ATAD2B: variants seen among roughly 807,000 people sequenced by gnomAD.
ATAD2B encodes ATPase family AAA domain containing 2B, also known as ATPase family AAA domain-containing protein 2B.
A neutral mutation model predicts 167.6 loss-of-function variants in ATAD2B; 40 were observed. The observed-to-expected ratio is 0.24, with a 90% CI of 0.19 to 0.31. ATAD2B has a LOEUF of 0.31. Ranked by LOEUF, ATAD2B falls within the 10% of genes least tolerant of loss-of-function variation. The probability of loss-of-function intolerance (pLI) is 1.00; values close to 1 mark genes in which losing one functional copy is unlikely to be tolerated. For synonymous variants in ATAD2B, 579 were observed against 596.5 expected (o/e 0.97, Z 0.43); for missense variants, 1,242 against 1,757.2 (o/e 0.71, Z 5.24).
intron 13 of ATAD2B, among the ~76,000 whole-genome samples, chr2:23,842,107 T>C (rs1691008843): frequency 6.6e-6 from 1 of 152,196 alleles, no homozygotes; most frequent in South Asian, 2.1e-4. Flanking sequence ...CCCCTTATAT[T>C]TCAGGTCATT....
chr2:23,738,857 C>A, the ATAD2B span, among the ~76,000 whole-genome samples: 3 of 152,098 alleles, frequency 2.0e-5, no homozygotes, highest in African/African-American at 4.8e-5. Flanking sequence ...GGAGGAAGAT[C>A]TACCAAGCAA....
intron 1 of ATAD2B, among the ~76,000 whole-genome samples, chr2:23,922,701 C>CAAAAAAAAAAAAAAAAAAAAAAAA (rs11386515): frequency 2.4e-5 from 3 of 126,482 alleles, no homozygotes; most frequent in African/African-American, 6.4e-5. Flanking sequence ...GACTCTGTCT[C>CAAAAAAAAAAAAAAAAAAAAAAAA]AAAAAAAAAA....
At chr2:23,719,426 A>C in the ATAD2B span, among the ~76,000 whole-genome samples, 3 of 152,140 alleles carry the variant, frequency 2.0e-5, no homozygotes, top group Non-Finnish European at 4.4e-5. Flanking sequence ...TCAGCTCCAA[A>C]ATGGCAGCGT....
chr2:23,751,374 G>A lies in ATAD2B; in HGVS notation c.*672C>T, dbSNP rs1423490343. Reference sequence around the variant, plus strand: ...ACTGGTTGTCTCTTAATGACATAGAGTATCAAAACTTATTTTCAAGGTTGT... The same window carrying A: ...ACTGGTTGTCTCTTAATGACATAGAATATCAAAACTTATTTTCAAGGTTGT... On this transcript the variant is annotated 3_prime_UTR_variant, in exon 28 of 28. Coordinates refer to ENST00000238789, the MANE Select transcript of ATAD2B (RefSeq NM_017552.4). The A allele has an allele frequency of 2.0e-5, 3 of 152,078 alleles. No homozygotes were observed. The highest frequency in any genetic ancestry group is 4.4e-5 in the Non-Finnish European group (3 of 68,002). 9.4% of individuals were successfully genotyped at this position (152,078 alleles called of 1,614,324 possible). A position where few individuals can be genotyped will look rare whatever the true frequency, so the allele number is the denominator to read the frequency against.
chr2:23,894,766 T>G (rs950303805), intron 2 of ATAD2B, among the ~76,000 whole-genome samples: 1 of 152,190 alleles, frequency 6.6e-6, no homozygotes, highest in Non-Finnish European at 1.5e-5. Context: ...CAGACCTGTT[T>G]CATCTCACAG....
chr2:23,788,464 T>G, intron 20 of ATAD2B, 48 bp downstream of exon 20: 12 of 1,586,126 alleles, frequency 7.6e-6, no homozygotes, highest in Non-Finnish European at 1.0e-5. Context: ...GAAAGGGTAT[T>G]TCTTAACTCC....
intron 10 of ATAD2B, among the ~76,000 whole-genome samples, chr2:23,867,117 T>TC (rs2150070109): frequency 6.6e-6 from 1 of 152,326 alleles, no homozygotes; most frequent in East Asian, 1.9e-4. Flanking sequence ...ACAAGGTGCT[T>TC]CCACTTGTAG....
the ATAD2B span, among the ~76,000 whole-genome samples, chr2:23,683,221 C>T: frequency 2.0e-5 from 3 of 152,228 alleles, no homozygotes; most frequent in Admixed American, 1.3e-4. Context: ...GGGCGATGGC[C>T]GGTGGGGCTG....
chr2:23,725,243 TAAAG>T, the ATAD2B span, among the ~76,000 whole-genome samples: 1 of 151,998 alleles, frequency 6.6e-6, no homozygotes, highest in African/African-American at 2.4e-5. Context: ...AAAGGCAAAA[TAAAG>T]AAATTCTCAA....
chr2:23,718,618 T>C, the ATAD2B span, among the ~76,000 whole-genome samples: 2 of 152,346 alleles, frequency 1.3e-5, no homozygotes, highest in South Asian at 4.1e-4. Flanking sequence ...ACTGTATTAG[T>C]GTCCTAGGAT....
intron 17 of ATAD2B, chr2:23,811,601 G>A (rs1313543423): frequency 6.6e-6 from 1 of 152,204 alleles, no homozygotes; most frequent in Non-Finnish European, 1.5e-5. Flanking sequence ...CTGTCCGGGG[G>A]TGGGAGGCCA....
At chr2:23,695,397 C>G in the ATAD2B span, among the ~76,000 whole-genome samples, 2 of 152,098 alleles carry the variant, frequency 1.3e-5, no homozygotes, top group Non-Finnish European at 2.9e-5. This position sits in a 1 kb window ranked among gnomAD's most constrained non-coding sequence, Gnocchi z 7.6. Context: ...CTGGCTGCAG[C>G]CTGCCAGCCT....
At position 23,798,349 on chromosome 2, in the gene ATAD2B, A is replaced by T. The variant is rs748230407; in HGVS notation, c.2455-26T>A. ...CTAATTAAGGAAAAAAACCAACATT[A>T]AACAACTCAAATTGATTATTCTAAA... On this transcript the variant is annotated intron_variant, in intron 18 of 27. Coordinates refer to ENST00000238789, the MANE Select transcript of ATAD2B (RefSeq NM_017552.4). The T allele has an allele frequency of 7.9e-6, 12 of 1,524,064 alleles. No individual in the cohort carries two copies. In the South Asian group the frequency reaches 1.1e-4, roughly 14 times the overall value. The allele number at this position is 1,524,064 out of a possible 1,614,324, so 94.4% of individuals were successfully genotyped here. A position where few individuals can be genotyped will look rare whatever the true frequency, so the allele number is the denominator to read the frequency against.
At chr2:23,731,714 A>T in the ATAD2B span, among the ~76,000 whole-genome samples, 1 of 152,230 alleles carries the variant, frequency 6.6e-6, no homozygotes, top group Non-Finnish European at 1.5e-5. Flanking sequence ...GGCAGGGTGC[A>T]GTGGTTCATG....
At chr2:23,879,864 G>A (rs1278190535) in intron 7 of ATAD2B, among the ~76,000 whole-genome samples, 1 of 151,940 alleles carries the variant, frequency 6.6e-6, no homozygotes, top group Admixed American at 6.6e-5. Flanking sequence ...AGACCAGCCT[G>A]GCCAGCATGG....
chr2:23,679,775 G>A, the ATAD2B span, among the ~76,000 whole-genome samples: 1 of 152,202 alleles, frequency 6.6e-6, no homozygotes, highest in Non-Finnish European at 1.5e-5. Flanking sequence ...GAGGAGGGCA[G>A]AGGGCAGAGG....
chr2:23,695,169 A>C, the ATAD2B span, among the ~76,000 whole-genome samples: 2 of 152,080 alleles, frequency 1.3e-5, no homozygotes, highest in Admixed American at 1.3e-4. This position sits in a 1 kb window ranked among gnomAD's most constrained non-coding sequence, Gnocchi z 7.6. Flanking sequence ...TGAGACTTAC[A>C]AGCTCAATAG....
intron 1 of ATAD2B, among the ~76,000 whole-genome samples, chr2:23,899,592 TTTTC>T (rs1214267163): frequency 3.9e-5 from 6 of 152,152 alleles, no homozygotes; most frequent in African/African-American, 1.4e-4. Context: ...CCTTTCATTT[TTTTC>T]TTTTTTTTCT....
intron 6 of ATAD2B, among the ~76,000 whole-genome samples, chr2:23,884,483 A>G (rs1698405604): frequency 6.6e-6 from 1 of 152,204 alleles, no homozygotes. Flanking sequence ...TAAGAAGCAA[A>G]TGAGCCCAAA....
Sources: allele counts gnomAD v4.1 joint callset (sites outside exome capture counted in the v4.1 genomes callset), GRCh38; gene constraint gnomAD v4.1.1; non-coding constraint Gnocchi (gnomAD v3.1); transcripts MANE v1.5; gene names NCBI Gene and HGNC (gene_info 2026-07-23, HGNC 2026-07-21).